TTLL8: variants seen among roughly 807,000 people sequenced by gnomAD.
The protein encoded by TTLL8 is protein monoglycylase TTLL8.
TTLL8 carries 65 observed loss-of-function variants against 77.8 expected under a neutral mutation model. That is an observed-to-expected ratio of 0.84 (90% CI 0.68 to 1.03). The LOEUF is 1.03. Ranked by LOEUF, TTLL8 falls within the 50% of genes least tolerant of loss-of-function variation. The pLI is 0.00. For missense variants in TTLL8, 910 were observed against 1,004.5 expected (o/e 0.91, Z 1.27); for synonymous variants, 402 against 422.8 (o/e 0.95, Z 0.60).
intron 12 of TTLL8, among the ~76,000 whole-genome samples, chr22:50,025,495 T>A (rs2061225826): frequency 6.6e-6 from 1 of 151,862 alleles, no homozygotes; most frequent in Non-Finnish European, 1.5e-5. Context: ...CAAAATTAGC[T>A]GGGCATGGTG....
At chr22:50,046,584 G>A (rs750510100) in intron 4 of TTLL8, among the ~76,000 whole-genome samples, 26 of 152,244 alleles carry the variant, frequency 1.7e-4, no homozygotes, top group Non-Finnish European at 2.6e-4. Context: ...TGACCCTGGG[G>A]TATTAGGTGC....
In TTLL8 at chr22:50,044,119, GT is replaced by G. The variant is rs2061393443; in HGVS notation, c.643+1135del. ...GTGGGCGGATCACCTGAAGTCAGGA[GT>G]TCGAGACCAGCCTGGCCAACATGGC... On this transcript the variant is annotated intron_variant, in intron 6 of 13. Coordinates refer to ENST00000266182, the Ensembl canonical transcript of TTLL8. This position sits in a 1 kb window ranked among gnomAD's most constrained non-coding sequence, Gnocchi z 4.2. 6.6e-6 allele frequency among the ~76,000 whole-genome samples: 1 copy of G among 152,186 alleles called. No homozygotes were observed. The highest frequency in any genetic ancestry group is 1.5e-5 in the Non-Finnish European group (1 of 68,032).
chr22:50,053,809 T>C (rs562078585), intron 1 of TTLL8, among the ~76,000 whole-genome samples: 10 of 152,268 alleles, frequency 6.6e-5, no homozygotes, highest in African/African-American at 1.9e-4. Context: ...TGCACATGTT[T>C]GTACCTGAGG....
rs956009267 is a variant in TTLL8, at chr22:50,041,268, C to G, written c.840G>C (p.Leu280Phe). ...AGATGCACAAGACAATGCTACTCCC[C>G]AAAGGCACCCTGAGGGGGTATCATC... The change falls in exon 8 of 14, where the codon TTG (leucine) becomes TTC (phenylalanine). Residue 280 changes from leucine (L) to phenylalanine (F), a missense_variant. Physicochemically the swap from Leu to Phe is conservative, Grantham distance 22 (BLOSUM62 0). Around this residue, in one of 2 missense-constraint regions of TTLL8, gnomAD observed 776 missense variants for 926.1 expected, o/e 0.84. Coordinates refer to ENST00000266182, the Ensembl canonical transcript of TTLL8. This position sits in a 1 kb window ranked among gnomAD's most constrained non-coding sequence, Gnocchi z 4.3. 2 of 505,428 alleles carry G rather than the reference C, an allele frequency of 4.0e-6. No homozygotes were observed. Among genetic ancestry groups the G allele is most frequent in the Admixed American group, 2.3e-5 (1 of 43,564 alleles). The allele number at this position is 505,428 out of a possible 1,614,324, so 31.3% of individuals were successfully genotyped here.
rs577286691 is a variant in TTLL8 at position 50,047,300 on chromosome 22, G to C, written c.265-4C>G. ...TCTCATTTTTTACCAACCTAGACTG[G>C]CAAGAAAAAAGTCTTTATTGATGCC... On this transcript the variant is annotated splice_region_variant and splice_polypyrimidine_tract_variant and intron_variant, in intron 3 of 13. Transcript: ENST00000266182. The C allele has an allele frequency of 2.2e-6, 3 of 1,366,832 alleles. No homozygotes were observed. Among genetic ancestry groups the C allele is most frequent in the Non-Finnish European group, 2.9e-6 (3 of 1,021,594 alleles). The allele number at this position is 1,366,832 out of a possible 1,614,324, so 84.7% of individuals were successfully genotyped here.
chr22:50,038,599 G>T (rs917103391), intron 8 of TTLL8, among the ~76,000 whole-genome samples: 1 of 152,124 alleles, frequency 6.6e-6, no homozygotes, highest in Non-Finnish European at 1.5e-5. Context: ...ACTGCTTGAG[G>T]CCAGGCATTC....
rs938214014 is a variant in TTLL8 at position 50,044,161 on chromosome 22, C to G, written c.643+1094G>C. The stretch of plus-strand genomic sequence containing the variant: ...CCAACATGGCAAAACCCCATCTCTA[C>G]TAAAAATACAAAACATTAGCCGGGC... On this transcript the variant is annotated intron_variant, in intron 6 of 13. Transcript: ENST00000266182. The surrounding 1 kb of genome is among the most constrained non-coding windows in gnomAD (Gnocchi z 4.2). 6.6e-6 allele frequency among the ~76,000 whole-genome samples: 1 copy of G among 152,108 alleles called. No individual in the cohort carries two copies. Among genetic ancestry groups the G allele is most frequent in the Non-Finnish European group, 1.5e-5 (1 of 68,018 alleles).
exon 11 of TTLL8, chr22:50,031,917 C>T (rs1373007168): frequency 7.3e-7 from 1 of 1,366,928 alleles, no homozygotes; most frequent in Non-Finnish European, 9.8e-7. Context: ...CCTGGGCCAC[C>T]TTCATGGCGT....
chr22:50,041,846 C>T lies in TTLL8; in HGVS notation c.644-39G>A, dbSNP rs777751211. 18 of 1,330,968 alleles carry T rather than the reference C, an allele frequency of 1.4e-5. No homozygotes were observed. Among genetic ancestry groups the T allele is most frequent in the Middle Eastern group, 2.1e-4 (1 of 4,716 alleles). The allele number at this position is 1,330,968 out of a possible 1,614,324, so 82.4% of individuals were successfully genotyped here. A position where few individuals can be genotyped will look rare whatever the true frequency, so the allele number is the denominator to read the frequency against. ...ACAGGCACATGCAGTGGGAACCTCACCCAGGGGCAGCCCTGCCCGCCTCGA... is the reference window on the plus strand; with the variant it reads ...ACAGGCACATGCAGTGGGAACCTCATCCAGGGGCAGCCCTGCCCGCCTCGA... On this transcript the variant is annotated intron_variant, in intron 6 of 13. Transcript: ENST00000266182. The surrounding 1 kb of genome is among the most constrained non-coding windows in gnomAD (Gnocchi z 4.3).
At chr22:50,055,043 A>G (rs5771327), upstream of TTLL8, 258,240 of 713,784 alleles carry the variant, frequency 0.36, 51,426 homozygotes, top group African/African-American at 0.7. Flanking sequence ...CTGGGCAACA[A>G]AGCAAGACTT....
chr22:50,048,229 C>T (rs2061424410), intron 3 of TTLL8, among the ~76,000 whole-genome samples: 1 of 151,980 alleles, frequency 6.6e-6, no homozygotes, highest in Non-Finnish European at 1.5e-5. Flanking sequence ...CCCAGCCGCC[C>T]CCACCCGGTA....
At chr22:50,046,192 C>T (rs940177302) in intron 4 of TTLL8, among the ~76,000 whole-genome samples, 1 of 152,178 alleles carries the variant, frequency 6.6e-6, no homozygotes, top group Admixed American at 6.5e-5. Context: ...CAGGCTCAGA[C>T]GCATCCTTGA....
chr22:50,048,629 G>A (rs1449173939), intron 3 of TTLL8, among the ~76,000 whole-genome samples: 3 of 152,194 alleles, frequency 2.0e-5, no homozygotes, highest in African/African-American at 7.2e-5. Flanking sequence ...CCAGGAACCT[G>A]GAAGGGCGAG....
At chr22:50,030,907 G>T in exon 12 of TTLL8, 1 of 1,321,502 alleles carries the variant, frequency 7.6e-7, no homozygotes, top group East Asian at 4.9e-5. Flanking sequence ...CCGCTGAATG[G>T]GGGCGGCTCA....
At chr22:50,020,431 C>T (rs565720818) in intron 12 of TTLL8, among the ~76,000 whole-genome samples, 5 of 147,466 alleles carry the variant, frequency 3.4e-5, no homozygotes, top group African/African-American at 1.3e-4. Flanking sequence ...ATCTGACGTG[C>T]ACTACTCCAT....
chr22:50,036,971 A>G (rs1396794724), intron 8 of TTLL8, among the ~76,000 whole-genome samples: 1 of 152,088 alleles, frequency 6.6e-6, no homozygotes, highest in African/African-American at 2.4e-5. Context: ...CCTTGGACAC[A>G]GTTTGGCAGT....
At chr22:50,055,578 C>T (rs560646716), upstream of TTLL8, among the ~76,000 whole-genome samples, 1 of 151,328 alleles carries the variant, frequency 6.6e-6, no homozygotes, top group Non-Finnish European at 1.5e-5. Flanking sequence ...TCGCTTGAAT[C>T]CAGGAGGCGG....
chr22:50,052,094 A>G (rs1243475265), intron 1 of TTLL8, among the ~76,000 whole-genome samples: 2 of 151,940 alleles, frequency 1.3e-5, no homozygotes, highest in Non-Finnish European at 1.5e-5. Context: ...CACCCACACG[A>G]GACATCTGGT....
At chr22:50,057,573 GTC>G (rs2061487370), upstream of TTLL8, among the ~76,000 whole-genome samples, 1 of 80,030 alleles carries the variant, frequency 1.2e-5, no homozygotes, top group African/African-American at 5.3e-5. Context: ...CTGGGTTGGG[GTC>G]AGGTCTGGGT....
Sources: allele counts gnomAD v4.1 joint callset (sites outside exome capture counted in the v4.1 genomes callset), GRCh38; gene constraint gnomAD v4.1.1; regional missense constraint gnomAD v4.1.1; non-coding constraint Gnocchi (gnomAD v3.1); transcripts MANE v1.5; gene names NCBI Gene and HGNC (gene_info 2026-07-23, HGNC 2026-07-21).